The following TCF25 variants were observed in gnomAD, a reference collection of about 807,000 sequenced individuals.
The protein encoded by TCF25 is TCF25 ribosome quality control complex subunit, also known as ribosome quality control complex subunit TCF25.
TCF25 carries 41 observed loss-of-function variants against 83.1 expected under a neutral mutation model. The observed-to-expected ratio is 0.49, with a 90% CI of 0.38 to 0.64. TCF25 has a LOEUF of 0.64. TCF25 is among the 30% of genes least tolerant of loss of function. The pLI, the probability that TCF25 is intolerant of heterozygous loss-of-function variation, is 0.00. For synonymous variants in TCF25, 458 were observed against 365.0 expected (o/e 1.25, Z -2.90); for missense variants, 979 against 914.5 (o/e 1.07, Z -0.91).
intron 9 of TCF25, among the ~76,000 whole-genome samples, chr16:89,897,134 C>T (rs1235024967): frequency 6.6e-6 from 1 of 152,198 alleles, no homozygotes; most frequent in Non-Finnish European, 1.5e-5. Flanking sequence ...AAAACCCATC[C>T]CTGGCAAGTT....
Position 89,898,663 on chromosome 16 carries a change from C to T in TCF25, c.1115+14C>T. On this transcript the variant is annotated intron_variant, in intron 10 of 17. Coordinates refer to ENST00000263346, the MANE Select transcript of TCF25 (RefSeq NM_014972.3). ...GCTCATCCTGAGGTGAGTGTCTGCT[C>T]AGGGCCAAGCCCGTCCACGCTCCCT... 3 of 1,612,568 alleles carry T rather than the reference C, an allele frequency of 1.9e-6. No homozygotes were observed. Among genetic ancestry groups the T allele is most frequent in the Non-Finnish European group, 2.5e-6 (3 of 1,179,902 alleles).
In TCF25 at chr16:89,878,437, T is replaced by A. The variant is rs1250962298; in HGVS notation, c.192+4578T>A. The A allele has an allele frequency of 4.5e-6, 4 of 884,884 alleles. No homozygotes were observed. The South Asian group carries it at 9.6e-5, about 21-fold the overall frequency. 54.8% of individuals were successfully genotyped at this position (884,884 alleles called of 1,614,324 possible). ...TCCGTCTCTATTAAAAATCACCATT[T>A]TTTTTTTTTTTTTTTTTTTTTAGGA... On this transcript the variant is annotated intron_variant, in intron 1 of 17. Transcript: ENST00000263346.
At chr16:89,891,964 C>G (rs2043465954) in intron 5 of TCF25, among the ~76,000 whole-genome samples, 1 of 152,120 alleles carries the variant, frequency 6.6e-6, no homozygotes, top group South Asian at 2.1e-4. Context: ...GCCCCCGTGC[C>G]CAGCCAGAAT....
Position 89,903,398 on chromosome 16 carries a change from C to T in TCF25, c.1382-720C>T, listed in dbSNP as rs187375360. On this transcript the variant is annotated intron_variant, in intron 12 of 17. Transcript: ENST00000263346. ...ATTAAAACATCCAACCGGCCGGGCACGGTGGCTCACGCCTGTAATCCCAGC... is the reference window on the plus strand; with the variant it reads ...ATTAAAACATCCAACCGGCCGGGCATGGTGGCTCACGCCTGTAATCCCAGC... Among the ~76,000 whole-genome samples, 14 of 152,366 alleles carry T rather than the reference C, an allele frequency of 9.2e-5. No homozygotes were observed. The East Asian group carries it at 9.6e-4, about 10-fold the overall frequency.
At chr16:89,885,043 CCCCTCTCCCTCTGCCTGACG>C (rs1567702614) in intron 3 of TCF25, among the ~76,000 whole-genome samples, 178 of 81,286 alleles carry the variant, frequency 2.2e-3, no homozygotes, top group Middle Eastern at 6.3e-3. Flanking sequence ...CTGCCTGACG[CCCCTCTCCCTCTGCCTGACG>C]CCCTCTCCCT....
intron 5 of TCF25, among the ~76,000 whole-genome samples, chr16:89,891,411 C>T (rs577370191): frequency 1.2e-4 from 18 of 152,294 alleles, no homozygotes; most frequent in South Asian, 4.1e-4. Flanking sequence ...GTGGGGAGCC[C>T]GGGGCCAGGG....
intron 9 of TCF25, 110 bp downstream of exon 9, chr16:89,896,193 G>C: frequency 1.0e-6 from 1 of 955,724 alleles, no homozygotes. Flanking sequence ...GTGGACCAGG[G>C]CCCACAGGTC....
At chr16:89,909,572 G>C (rs2045368472) in intron 16 of TCF25, 1 of 156,318 alleles carries the variant, frequency 6.4e-6, no homozygotes, top group Non-Finnish European at 1.4e-5. Context: ...CAGCTACTCA[G>C]GAGGCTGAGG....
rs186058363 is a variant in TCF25, at chr16:89,910,823, C to T, written c.1872+160C>T. On this transcript the variant is annotated intron_variant, in intron 17 of 17. Coordinates refer to ENST00000263346, the MANE Select transcript of TCF25 (RefSeq NM_014972.3). ...TGTGCCAGTGGGGTGCCCATTCTGC[C>T]GGGGAAACTGGGGCCTGCCCAGATG... 3.3e-3 allele frequency among the ~76,000 whole-genome samples: 499 copies of T among 152,338 alleles called. 2 individuals are homozygous for T. Among genetic ancestry groups the T allele is most frequent in the Non-Finnish European group, 4.4e-3 (296 of 68,026 alleles).
At position 89,900,793 on chromosome 16, in the gene TCF25, A is replaced by G; in HGVS notation, c.1380A>G (p.Gly460=). The change falls in exon 12 of 18, where the codon GGA becomes GGG. Residue 460 remains glycine (G), a splice_region_variant and synonymous_variant. Transcript: ENST00000263346. The part of the protein sequence containing the change: ...LIQQALTMFP[G]VLLPLLESCS... Reference sequence around the variant, plus strand: ...AGCAGGCGCTCACCATGTTCCCTGGAGGTGAGTGAGCGCTGTGTCTCGCCT... The same window carrying G: ...AGCAGGCGCTCACCATGTTCCCTGGGGGTGAGTGAGCGCTGTGTCTCGCCT... 6.4e-7 allele frequency: 1 copy of G among 1,570,764 alleles called. No homozygotes were observed. The highest frequency in any genetic ancestry group is 8.7e-7 in the Non-Finnish European group (1 of 1,145,168).
rs562915829 is a variant in TCF25 at position 89,899,262 on chromosome 16, G to C, written c.1221+390G>C. On this transcript the variant is annotated intron_variant, in intron 11 of 17. Transcript: ENST00000263346. ...GGGTTGGTTGCGTGGGGCTGACACAGGGACCCCCAGCACGTCTGTCCTGTT... is the reference window on the plus strand; with the variant it reads ...GGGTTGGTTGCGTGGGGCTGACACACGGACCCCCAGCACGTCTGTCCTGTT... Among the ~76,000 whole-genome samples, 4 of 152,342 alleles carry C rather than the reference G, an allele frequency of 2.6e-5. No homozygotes were observed. In the East Asian group the frequency reaches 7.7e-4, roughly 29 times the overall value.
chr16:89,881,001 G>A (rs537822197), intron 1 of TCF25, among the ~76,000 whole-genome samples: 2 of 152,312 alleles, frequency 1.3e-5, no homozygotes, highest in South Asian at 2.1e-4. Context: ...TCGTTTTGGT[G>A]GAGTGTCAGT....
chr16:89,888,003 C>G (rs750986171), intron 5 of TCF25, among the ~76,000 whole-genome samples: 1 of 152,176 alleles, frequency 6.6e-6, no homozygotes, highest in Non-Finnish European at 1.5e-5. Context: ...GCAGTGCTCA[C>G]GCCTGTAATC....
Position 89,911,208 on chromosome 16 carries a change from C to A in TCF25, c.2001C>A (p.Asp667Glu). 1 of 1,612,430 alleles carries A rather than the reference C, an allele frequency of 6.2e-7. No homozygotes were observed. Among genetic ancestry groups the A allele is most frequent in the Non-Finnish European group, 8.5e-7 (1 of 1,179,948 alleles). The change falls in exon 18 of 18, where the codon GAC (aspartate) becomes GAA (glutamate). Residue 667 changes from aspartate (D) to glutamate (E), a missense_variant. Coordinates refer to ENST00000263346, the MANE Select transcript of TCF25 (RefSeq NM_014972.3). ...HLNDLEAPHEDDAEGEGEWD is the reference protein window; with the variant it reads ...HLNDLEAPHEEDAEGEGEWD Reference sequence around the variant, plus strand: ...ACGACCTGGAGGCGCCGCACGAGGACGACGCTGAGGGGGAGGGGGAGTGGG... The same window carrying A: ...ACGACCTGGAGGCGCCGCACGAGGAAGACGCTGAGGGGGAGGGGGAGTGGG...
intron 7 of TCF25, 71 bp downstream of exon 7, chr16:89,893,929 C>T: frequency 5.8e-6 from 9 of 1,539,438 alleles, no homozygotes; most frequent in Non-Finnish European, 7.0e-6. Context: ...CCGCCTGCTT[C>T]CCTGGTGGCT....
chr16:89,887,604 C>T, intron 4 of TCF25, 48 bp from the exon 5 acceptor site: 1 of 1,536,908 alleles, frequency 6.5e-7, no homozygotes, highest in Non-Finnish European at 8.8e-7. Flanking sequence ...TTGGAATCGT[C>T]TTAGAACATA....
chr16:89,908,893 G>T, intron 16 of TCF25: 1 of 1,270,268 alleles, frequency 7.9e-7, no homozygotes, highest in Non-Finnish European at 1.0e-6. Flanking sequence ...GGGCTCACAG[G>T]GACTGGCTGC....
chr16:89,894,918 T>C (rs2043730853), intron 7 of TCF25, 120 bp from the exon 8 acceptor site: 1 of 752,748 alleles, frequency 1.3e-6, no homozygotes, highest in African/African-American at 1.8e-5. Flanking sequence ...GTGGTGGGAT[T>C]ACAGGCGTGA....
At chr16:89,876,880 G>A (rs2042230630) in intron 1 of TCF25, among the ~76,000 whole-genome samples, 1 of 144,238 alleles carries the variant, frequency 6.9e-6, no homozygotes, top group African/African-American at 2.6e-5. Flanking sequence ...AGTGAGCTGA[G>A]ATCGTGCCAC....
Sources: allele counts gnomAD v4.1 joint callset (sites outside exome capture counted in the v4.1 genomes callset), GRCh38; gene constraint gnomAD v4.1.1; transcripts MANE v1.5; gene names NCBI Gene and HGNC (gene_info 2026-07-23, HGNC 2026-07-21).